The following RHOA variants were observed in gnomAD, a reference collection of about 807,000 sequenced individuals.
RHOA encodes the protein ras homolog family member A.
RHOA carries 3 observed loss-of-function variants against 17.5 expected under a neutral mutation model. That is an observed-to-expected ratio of 0.17 (90% CI 0.08 to 0.44). RHOA has a LOEUF of 0.44. Ranked by LOEUF, RHOA falls within the 20% of genes least tolerant of loss-of-function variation. The pLI is 0.99. For missense variants in RHOA, 56 were observed against 242.3 expected (o/e 0.23, Z 5.10); for synonymous variants, 98 against 88.4 (o/e 1.11, Z -0.61).
chr3:49,374,166 C>T (rs924578902), intron 2 of RHOA, among the ~76,000 whole-genome samples: 1 of 151,864 alleles, frequency 6.6e-6, no homozygotes, highest in Admixed American at 6.6e-5. Context: ...CTGGCTAACA[C>T]GGTGAAACCC....
intron 1 of RHOA, among the ~76,000 whole-genome samples, chr3:49,392,911 T>C (rs2048533193): frequency 6.6e-6 from 1 of 152,118 alleles, no homozygotes; most frequent in African/African-American, 2.4e-5. Flanking sequence ...GCGTGATGGC[T>C]CACTTCTGTA....
At chr3:49,380,086 GA>G (rs1171120101) in intron 1 of RHOA, among the ~76,000 whole-genome samples, 3 of 152,134 alleles carry the variant, frequency 2.0e-5, no homozygotes, top group Non-Finnish European at 2.9e-5. Context: ...TGAGATGTGA[GA>G]ATCAGCAGTA....
At position 49,404,347 on chromosome 3, in the gene RHOA, T is replaced by A. The variant is rs1379009699; in HGVS notation, c.-3+7473A>T. 3.4e-5 allele frequency among the ~76,000 whole-genome samples: 5 copies of A among 148,286 alleles called. No individual in the cohort carries two copies. In the Admixed American group the frequency reaches 3.4e-4, roughly 10 times the overall value. On this transcript the variant is annotated intron_variant, in intron 1 of 4. Coordinates refer to ENST00000418115, the MANE Select transcript of RHOA (RefSeq NM_001664.4). ...CAGTGGCTCACACCCGTAATCCCAGTACTTTGGGAAGCCAAGGCAGGTGGA... is the reference window on the plus strand; with the variant it reads ...CAGTGGCTCACACCCGTAATCCCAGAACTTTGGGAAGCCAAGGCAGGTGGA...
At chr3:49,383,987 A>T (rs1203360979) in intron 1 of RHOA, among the ~76,000 whole-genome samples, 1 of 152,168 alleles carries the variant, frequency 6.6e-6, no homozygotes, top group African/African-American at 2.4e-5. Flanking sequence ...CCGAGATTGC[A>T]CTACTGCATT....
intron 1 of RHOA, among the ~76,000 whole-genome samples, chr3:49,379,295 G>A (rs1179543183): frequency 6.6e-6 from 1 of 152,098 alleles, no homozygotes; most frequent in Non-Finnish European, 1.5e-5. Flanking sequence ...CAACATGCAT[G>A]ATTCCATTTA....
chr3:49,372,750 AAAAG>A (rs2048166613), intron 2 of RHOA, among the ~76,000 whole-genome samples: 1 of 151,680 alleles, frequency 6.6e-6, no homozygotes, highest in African/African-American at 2.4e-5. Context: ...AAAAAAAAAA[AAAAG>A]GACTACAAAC....
chr3:49,369,416 C>T (rs1333477026), intron 2 of RHOA, among the ~76,000 whole-genome samples: 2 of 151,928 alleles, frequency 1.3e-5, no homozygotes, highest in South Asian at 2.1e-4. Context: ...TGAGAACCCA[C>T]CTCTACAAAA....
intron 1 of RHOA, among the ~76,000 whole-genome samples, chr3:49,387,973 T>C (rs1173665909): frequency 1.3e-5 from 2 of 151,918 alleles, no homozygotes; most frequent in Non-Finnish European, 2.9e-5. Context: ...TGTTTACTCA[T>C]TACAGATGAT....
chr3:49,389,280 G>A (rs1474162531), intron 1 of RHOA, among the ~76,000 whole-genome samples: 1 of 151,660 alleles, frequency 6.6e-6, no homozygotes, highest in African/African-American at 2.4e-5. Context: ...GTGACATTGC[G>A]CTCCAGCCTG....
At chr3:49,380,402 A>G (rs965097435) in intron 1 of RHOA, among the ~76,000 whole-genome samples, 6 of 152,058 alleles carry the variant, frequency 3.9e-5, no homozygotes, top group Middle Eastern at 3.2e-3. Flanking sequence ...CTATAGTCAA[A>G]CTAATCCTAA....
At chr3:49,367,603 C>G (rs1249980088) in intron 3 of RHOA, among the ~76,000 whole-genome samples, 1 of 151,706 alleles carries the variant, frequency 6.6e-6, no homozygotes, top group Non-Finnish European at 1.5e-5. Context: ...CTCACTGCAA[C>G]TTCTGCTTCC....
intron 1 of RHOA, among the ~76,000 whole-genome samples, chr3:49,379,392 G>A (rs7648841): frequency 0.29 from 43,465 of 151,944 alleles, 6,752 homozygotes; most frequent in Middle Eastern, 0.32. Flanking sequence ...GGAGAGAAAT[G>A]GAAAATGACT....
intron 1 of RHOA, among the ~76,000 whole-genome samples, chr3:49,409,345 A>G (rs979486199): frequency 6.6e-6 from 1 of 152,020 alleles, no homozygotes; most frequent in Non-Finnish European, 1.5e-5. Flanking sequence ...CAGTGAGCTG[A>G]GATCGCGCCA....
chr3:49,383,281 A>G (rs533668010), intron 1 of RHOA, among the ~76,000 whole-genome samples: 30 of 151,556 alleles, frequency 2.0e-4, no homozygotes, highest in African/African-American at 6.8e-4. Flanking sequence ...TTAGCCGGGC[A>G]TGGTGGCAGG....
intron 1 of RHOA, among the ~76,000 whole-genome samples, chr3:49,408,050 C>T (rs2048864107): frequency 6.6e-6 from 1 of 152,060 alleles, no homozygotes; most frequent in African/African-American, 2.4e-5. Context: ...CTCCCAACTA[C>T]TCCAGAGGCC....
chr3:49,381,346 A>G (rs906357500), intron 1 of RHOA, among the ~76,000 whole-genome samples: 1 of 151,784 alleles, frequency 6.6e-6, no homozygotes, highest in African/African-American at 2.4e-5. Context: ...CAGAGGCTGC[A>G]GTAAGCCGAT....
In RHOA at chr3:49,359,819, G is replaced by A. The variant is rs2047930112; in HGVS notation, c.*390C>T. ...TGTTACGGAGTAAAGCCCTGAAGTGGTGACTCACCAGAGTACCTTGCAGCT... is the reference window on the plus strand; with the variant it reads ...TGTTACGGAGTAAAGCCCTGAAGTGATGACTCACCAGAGTACCTTGCAGCT... On this transcript the variant is annotated 3_prime_UTR_variant, in exon 5 of 5. Transcript: ENST00000418115. 2 of 244,864 alleles carry A rather than the reference G, an allele frequency of 8.2e-6. No individual in the cohort carries two copies. The highest frequency in any genetic ancestry group is 1.6e-5 in the Non-Finnish European group (2 of 124,724). The allele number at this position is 244,864 out of a possible 1,614,324, so 15.2% of individuals were successfully genotyped here.
intron 1 of RHOA, among the ~76,000 whole-genome samples, chr3:49,390,278 G>A (rs1271175509): frequency 6.6e-6 from 1 of 151,984 alleles, no homozygotes; most frequent in Non-Finnish European, 1.5e-5. Flanking sequence ...GGGACTACAG[G>A]CACCCGCCAC....
intron 3 of RHOA, among the ~76,000 whole-genome samples, chr3:49,363,457 G>A (rs1347510091): frequency 6.6e-6 from 1 of 152,100 alleles, no homozygotes; most frequent in Non-Finnish European, 1.5e-5. Context: ...AAAAGAGGCT[G>A]GGCGTGGTGA....
Sources: allele counts gnomAD v4.1 joint callset (sites outside exome capture counted in the v4.1 genomes callset), GRCh38; gene constraint gnomAD v4.1.1; transcripts MANE v1.5; gene names NCBI Gene and HGNC (gene_info 2026-07-23, HGNC 2026-07-21).